Variants in GRIK1 observed in about 807,000 individuals in gnomAD.
GRIK1 encodes glutamate receptor ionotropic, kainate 1.
Under a neutral mutation model 105.7 loss-of-function variants are expected in GRIK1, and 69 were observed. The ratio of observed to expected loss-of-function variants is 0.65; its 90% CI spans 0.54 to 0.80. The LOEUF is 0.80. Among genes scored for constraint, GRIK1 ranks in the 30% least tolerant of loss-of-function variants. The pLI is 0.00. For synonymous variants in GRIK1, 438 were observed against 431.3 expected (o/e 1.02, Z -0.19); for missense variants, 1,109 against 1,167.3 (o/e 0.95, Z 0.73).
chr21:29,582,990 A>T (rs2091054457), intron 12 of GRIK1, among the ~76,000 whole-genome samples: 1 of 152,120 alleles, frequency 6.6e-6, no homozygotes, highest in Non-Finnish European at 1.5e-5. Flanking sequence ...AAATGAGCAG[A>T]CAATTCCTCC....
At chr21:29,579,825 A>T (rs1447104662) in intron 13 of GRIK1, among the ~76,000 whole-genome samples, 1 of 152,040 alleles carries the variant, frequency 6.6e-6, no homozygotes, top group Non-Finnish European at 1.5e-5. Context: ...GGATGATGGT[A>T]AACTCCAAAC....
intron 1 of GRIK1, among the ~76,000 whole-genome samples, chr21:29,808,870 C>T (rs762927905): frequency 6.6e-6 from 1 of 152,090 alleles, no homozygotes; most frequent in African/African-American, 2.4e-5. Context: ...ATACTTGAAA[C>T]ACACAAAGAA....
At chr21:29,804,248 G>A (rs971190920) in intron 1 of GRIK1, among the ~76,000 whole-genome samples, 15 of 152,116 alleles carry the variant, frequency 9.9e-5, no homozygotes, top group African/African-American at 3.4e-4. Context: ...CCAAGGCAAG[G>A]GAGAAATTTT....
At chr21:29,675,181 T>C (rs1297041238) in intron 3 of GRIK1, among the ~76,000 whole-genome samples, 1 of 152,200 alleles carries the variant, frequency 6.6e-6, no homozygotes, top group African/African-American at 2.4e-5. Flanking sequence ...TGGATTAAAA[T>C]TGCTGTTTGT....
chr21:29,800,486 G>C (rs1022363734), intron 1 of GRIK1, among the ~76,000 whole-genome samples: 1 of 152,184 alleles, frequency 6.6e-6, no homozygotes, highest in Non-Finnish European at 1.5e-5. Flanking sequence ...GGACTATAGC[G>C]AGAGTATGTA....
intron 1 of GRIK1, chr21:29,758,716 T>G (rs907399102): frequency 6.5e-6 from 1 of 152,692 alleles, no homozygotes; most frequent in African/African-American, 2.4e-5. Context: ...TTTGCTTACA[T>G]AGTCCTAGAA....
intron 4 of GRIK1, among the ~76,000 whole-genome samples, chr21:29,662,389 CCT>C (rs1237710691): frequency 2.0e-5 from 3 of 152,152 alleles, no homozygotes; most frequent in Non-Finnish European, 2.9e-5. Context: ...TAAAAAATAA[CCT>C]CTCTGCAACA....
chr21:29,756,834 C>A (rs1212231517), intron 1 of GRIK1, among the ~76,000 whole-genome samples: 1 of 152,044 alleles, frequency 6.6e-6, no homozygotes, highest in Non-Finnish European at 1.5e-5. Flanking sequence ...AAACCAGTGG[C>A]CGGGCGCGGT....
At chr21:29,541,575 C>CTTTTTGTTTTTTTTTTTTTTTTTT (rs2089971248) in intron 16 of GRIK1, among the ~76,000 whole-genome samples, 1 of 96,006 alleles carries the variant, frequency 1.0e-5, no homozygotes, top group African/African-American at 4.8e-5. Context: ...CACTCACGGT[C>CTTTTTGTTTTTTTTTTTTTTTTTT]TTTTTTTTTT....
chr21:29,636,030 A>G (rs1312135752), intron 7 of GRIK1, among the ~76,000 whole-genome samples: 1 of 152,212 alleles, frequency 6.6e-6, no homozygotes, highest in East Asian at 1.9e-4. Context: ...TGCTAAGCCC[A>G]GAAAGCACAG....
At chr21:29,541,575 C>CTTTTTTTTTTTTTTTTTTTTTG (rs2089972670) in intron 16 of GRIK1, among the ~76,000 whole-genome samples, 1 of 96,006 alleles carries the variant, frequency 1.0e-5, no homozygotes, top group East Asian at 3.2e-4. Context: ...CACTCACGGT[C>CTTTTTTTTTTTTTTTTTTTTTG]TTTTTTTTTT....
At chr21:29,576,385 GA>G in intron 14 of GRIK1, among the ~76,000 whole-genome samples, 1 of 152,284 alleles carries the variant, frequency 6.6e-6, no homozygotes, top group African/African-American at 2.4e-5. Flanking sequence ...AAGACATTTT[GA>G]AAAGCTTCAG....
At chr21:29,694,533 C>A (rs1185562930) in intron 1 of GRIK1, among the ~76,000 whole-genome samples, 4 of 152,198 alleles carry the variant, frequency 2.6e-5, no homozygotes, top group Non-Finnish European at 5.9e-5. Flanking sequence ...GCATGTGCCA[C>A]ATGCAGATAA....
intron 4 of GRIK1, among the ~76,000 whole-genome samples, chr21:29,659,273 TA>T (rs2062914880): frequency 6.6e-6 from 1 of 152,198 alleles, no homozygotes; most frequent in Non-Finnish European, 1.5e-5. Flanking sequence ...TTTCCCCATA[TA>T]AACGAGTGGA....
At chr21:29,914,294 G>A (rs2070919040) in intron 1 of GRIK1, among the ~76,000 whole-genome samples, 1 of 152,040 alleles carries the variant, frequency 6.6e-6, no homozygotes, top group South Asian at 2.1e-4. Context: ...CTCCATGAGA[G>A]GAATTATTCT....
At chr21:29,766,836 T>C (rs1468933012) in intron 1 of GRIK1, among the ~76,000 whole-genome samples, 2 of 151,786 alleles carry the variant, frequency 1.3e-5, no homozygotes. Context: ...CTAAATCTTC[T>C]TGAGGTTATA....
chr21:29,803,594 T>A (rs1302430433), intron 1 of GRIK1, among the ~76,000 whole-genome samples: 1 of 152,068 alleles, frequency 6.6e-6, no homozygotes, highest in African/African-American at 2.4e-5. Context: ...TAGCAGGGCT[T>A]TCACTAAGTA....
intron 1 of GRIK1, among the ~76,000 whole-genome samples, chr21:29,699,957 CT>C (rs1250501357): frequency 6.6e-6 from 1 of 151,962 alleles, no homozygotes; most frequent in Non-Finnish European, 1.5e-5. Flanking sequence ...CCAACATCTT[CT>C]TTTTTTTCTC....
chr21:29,787,248 T>C (rs1343361675), intron 1 of GRIK1, among the ~76,000 whole-genome samples: 1 of 152,214 alleles, frequency 6.6e-6, no homozygotes, highest in Non-Finnish European at 1.5e-5. Flanking sequence ...CCATGTCCTT[T>C]CTGACATACT....
Sources: allele counts gnomAD v4.1 joint callset (sites outside exome capture counted in the v4.1 genomes callset), GRCh38; gene constraint gnomAD v4.1.1; transcripts MANE v1.5; gene names NCBI Gene and HGNC (gene_info 2026-07-23, HGNC 2026-07-21).